The following MACROD1 variants were observed in gnomAD, a reference collection of about 807,000 sequenced individuals.
The protein encoded by MACROD1 is mono-ADP ribosylhydrolase 1.
In MACROD1, 31 loss-of-function variants were observed where a neutral mutation model predicts 41.4. The ratio of observed to expected loss-of-function variants is 0.75; its 90% CI spans 0.56 to 1.01. The LOEUF is 1.01. Among genes scored for constraint, MACROD1 ranks in the 50% least tolerant of loss-of-function variants. The pLI is 0.00. For synonymous variants in MACROD1, 252 were observed against 203.4 expected, an observed-to-expected ratio of 1.24 and a Z score of -2.03; for missense variants, 473 against 460.0, an observed-to-expected ratio of 1.03 and a Z score of -0.26.
At chr11:64,063,380 A>G (rs962626319) in intron 3 of MACROD1, among the ~76,000 whole-genome samples, 1 of 152,176 alleles carries the variant, frequency 6.6e-6, no homozygotes, top group African/African-American at 2.4e-5. Context: ...AATCCAGCAG[A>G]GACCCATGCC....
At chr11:64,069,698 G>A (rs1565218426) in intron 3 of MACROD1, among the ~76,000 whole-genome samples, 1 of 152,216 alleles carries the variant, frequency 6.6e-6, no homozygotes, top group Non-Finnish European at 1.5e-5. Flanking sequence ...GGCAGAGCAG[G>A]CGGTGGTGGG....
intron 3 of MACROD1, among the ~76,000 whole-genome samples, chr11:64,100,699 G>C (rs1291782974): frequency 6.6e-6 from 1 of 152,194 alleles, no homozygotes; most frequent in Non-Finnish European, 1.5e-5. Flanking sequence ...AGTGCTGCTG[G>C]AGAGCTCACA....
rs1944527051 is a variant in MACROD1, at chr11:64,093,556, C to T, written c.517+57683G>A. Among the ~76,000 whole-genome samples the T allele has an allele frequency of 3.9e-5, 6 of 152,274 alleles. No individual in the cohort carries two copies. The South Asian group carries it at 1.2e-3, about 31-fold the overall frequency. ...TGCCTGGTACAGATTTCTTTCTTAA[C>T]TCCATCCCTCCCAGTCCTTCCCTCC... is the stretch of plus-strand genomic sequence containing the variant. On this transcript the variant is annotated intron_variant, in intron 3 of 10. Transcript: ENST00000255681.
chr11:64,124,384 G>A (rs1945146205), intron 3 of MACROD1, among the ~76,000 whole-genome samples: 1 of 152,214 alleles, frequency 6.6e-6, no homozygotes, highest in Non-Finnish European at 1.5e-5. Flanking sequence ...CATCACCGCC[G>A]GTGGATGGCG....
At chr11:64,142,990 T>G (rs1188389159) in intron 3 of MACROD1, among the ~76,000 whole-genome samples, 1 of 151,948 alleles carries the variant, frequency 6.6e-6, no homozygotes, top group Non-Finnish European at 1.5e-5. Flanking sequence ...GTGGCATGCC[T>G]GTGGTCCCTG....
chr11:64,139,665 G>A (rs948416266), intron 3 of MACROD1, among the ~76,000 whole-genome samples: 1 of 152,150 alleles, frequency 6.6e-6, no homozygotes, highest in Non-Finnish European at 1.5e-5. Flanking sequence ...GGCCTAAAGA[G>A]GCAGGGGCTG....
At chr11:64,001,167 C>T (rs867238086) in intron 4 of MACROD1, 10 of 508,846 alleles carry the variant, frequency 2.0e-5, no homozygotes, top group South Asian at 1.8e-4. Context: ...AGCCCAACCT[C>T]GCCAGGGCAC....
At position 64,151,360 on chromosome 11, in the gene MACROD1, A is replaced by T; in HGVS notation, c.401-5T>A. 6.2e-7 allele frequency: 1 copy of T among 1,608,114 alleles called. No homozygotes were observed. Among genetic ancestry groups the T allele is most frequent in the South Asian group, 1.1e-5 (1 of 90,988 alleles). ...CCTCCACCTTCACAGCCACCCCTGG[A>T]ACAAGTAGGGGCCGGGGAGGTCACA... On this transcript the variant is annotated splice_polypyrimidine_tract_variant and splice_region_variant and intron_variant, in intron 2 of 10. Transcript: ENST00000255681.
chr11:64,002,295 C>T (rs535031661), intron 4 of MACROD1, among the ~76,000 whole-genome samples: 6 of 152,294 alleles, frequency 3.9e-5, no homozygotes, highest in African/African-American at 1.2e-4. Context: ...GGGGCCCGTG[C>T]GGGGAAGTGG....
rs1205299851 is a variant in MACROD1, at chr11:64,036,077, C to G, written c.518-20796G>C. 2 of 151,632 alleles carry G rather than the reference C, an allele frequency of 1.3e-5. No individual in the cohort carries two copies. The highest frequency in any genetic ancestry group is 4.8e-5 in the African/African-American group (2 of 41,306). The allele number at this position is 151,632 out of a possible 1,614,324, so 9.4% of individuals were successfully genotyped here. ...GGGCGCCCTCCGGCTCTGGTTCCCGCCCGCTCCTTGGAATAACCCCTGAGG... is the reference window on the plus strand; with the variant it reads ...GGGCGCCCTCCGGCTCTGGTTCCCGGCCGCTCCTTGGAATAACCCCTGAGG... On this transcript the variant is annotated intron_variant, in intron 3 of 10. Coordinates refer to ENST00000255681, the MANE Select transcript of MACROD1 (RefSeq NM_014067.4). The surrounding 1 kb of genome is among the most constrained non-coding windows in gnomAD (Gnocchi z 5.6).
In MACROD1 at chr11:64,028,620, G is replaced by T. The variant is rs986187599; in HGVS notation, c.518-13339C>A. ...AGAATCCCTCCTCGGCAGCGGCAGCGTGCTGGTTGCTGGGCAACCCCATCG... is the reference window on the plus strand; with the variant it reads ...AGAATCCCTCCTCGGCAGCGGCAGCTTGCTGGTTGCTGGGCAACCCCATCG... On this transcript the variant is annotated intron_variant, in intron 3 of 10. Coordinates refer to ENST00000255681, the MANE Select transcript of MACROD1 (RefSeq NM_014067.4). 1.2e-3 allele frequency among the ~76,000 whole-genome samples: 185 copies of T among 152,300 alleles called. 3 individuals carry two copies. Among genetic ancestry groups the T allele is most frequent in the Non-Finnish European group, 7.4e-5 (5 of 68,012 alleles).
intron 3 of MACROD1, among the ~76,000 whole-genome samples, chr11:64,084,534 G>A (rs1289238967): frequency 6.6e-6 from 1 of 152,214 alleles, no homozygotes; most frequent in African/African-American, 2.4e-5. Context: ...CATCGCTGCT[G>A]CAGGCCTGAG....
chr11:64,026,920 A>C (rs887087671), intron 3 of MACROD1, among the ~76,000 whole-genome samples: 4 of 152,140 alleles, frequency 2.6e-5, no homozygotes, highest in African/African-American at 9.7e-5. Flanking sequence ...CTTCTGCCCC[A>C]TTCCCCTTAT....
At chr11:64,085,928 AG>A (rs2134506188) in intron 3 of MACROD1, among the ~76,000 whole-genome samples, 1 of 147,576 alleles carries the variant, frequency 6.8e-6, no homozygotes, top group South Asian at 2.1e-4. Context: ...ACAGAAGGGG[AG>A]GCTCAGGTGC....
intron 4 of MACROD1, among the ~76,000 whole-genome samples, chr11:64,004,721 C>T (rs563935814): frequency 2.6e-5 from 4 of 152,238 alleles, no homozygotes; most frequent in Admixed American, 2.6e-4. Context: ...GGGCAAGTCA[C>T]TTAACCTCTC....
In MACROD1 at chr11:64,165,882, C is replaced by T; in HGVS notation, c.113G>A (p.Arg38His). 7.1e-7 allele frequency: 1 copy of T among 1,405,418 alleles called. No individual in the cohort carries two copies. The highest frequency in any genetic ancestry group is 9.2e-7 in the Non-Finnish European group (1 of 1,083,062). 87.1% of individuals were successfully genotyped at this position (1,405,418 alleles called of 1,614,324 possible). A position where few individuals can be genotyped will look rare whatever the true frequency, so the allele number is the denominator to read the frequency against. Residue 38 changes from arginine to histidine, a missense_variant, in exon 1 of 11, where the codon CGC becomes CAC. By Grantham distance (29) the Arg-to-His change is conservative. Coordinates refer to ENST00000255681, the MANE Select transcript of MACROD1 (RefSeq NM_014067.4). Reference sequence around the variant, plus strand: ...CGCCGGGGGACCGCACGTGCTGCTGCGGGTCCTCGTGGCACCCGCCAAGTG... The same window carrying T: ...CGCCGGGGGACCGCACGTGCTGCTGTGGGTCCTCGTGGCACCCGCCAAGTG... ...PGHLAGATRTRSSTCGPPAFL... is the reference protein window; with the variant it reads ...PGHLAGATRTHSSTCGPPAFL...
chr11:64,097,527 C>A (rs1412183395), intron 3 of MACROD1, among the ~76,000 whole-genome samples: 1 of 152,246 alleles, frequency 6.6e-6, no homozygotes, highest in African/African-American at 2.4e-5. Flanking sequence ...AGGCCCAGGC[C>A]CGCCGGCCGG....
chr11:64,128,624 G>A (rs961272996), intron 3 of MACROD1, among the ~76,000 whole-genome samples: 2 of 140,094 alleles, frequency 1.4e-5, no homozygotes, highest in African/African-American at 2.7e-5. Flanking sequence ...CCATCTCCCC[G>A]TTGCCCCCCT....
chr11:64,006,707 C>T (rs578080906), intron 4 of MACROD1, among the ~76,000 whole-genome samples: 54 of 152,286 alleles, frequency 3.5e-4, no homozygotes, highest in African/African-American at 1.2e-3. Context: ...GTTGTGGCCA[C>T]GGGACAGGGG....
Sources: gnomAD v4.1 joint callset for allele counts (sites outside exome capture counted in the v4.1 genomes callset) on GRCh38, gnomAD v4.1.1 for gene constraint, Gnocchi (gnomAD v3.1) non-coding constraint, MANE v1.5 for transcripts, NCBI Gene and HGNC (gene_info 2026-07-23, HGNC 2026-07-21) for gene names.